The following GPC5 variants were observed in gnomAD, a reference collection of about 807,000 sequenced individuals.
The protein encoded by GPC5 is glypican-5.
In GPC5, 47 loss-of-function variants were observed where a neutral mutation model predicts 53.9. The observed-to-expected ratio is 0.87, with a 90% CI of 0.69 to 1.11. GPC5 has a LOEUF of 1.11. GPC5 is among the 50% of genes most tolerant of loss of function. The probability of loss-of-function intolerance (pLI) is 0.00; values close to 1 mark genes in which losing one functional copy is unlikely to be tolerated. For synonymous variants in GPC5, 286 were observed against 263.3 expected (o/e 1.09, Z -0.84); for missense variants, 748 against 713.1 (o/e 1.05, Z -0.56).
chr13:91,596,018 G>A (rs1305722132), intron 2 of GPC5, among the ~76,000 whole-genome samples: 1 of 152,038 alleles, frequency 6.6e-6, no homozygotes, highest in Non-Finnish European at 1.5e-5. Flanking sequence ...CTTGCTTCAG[G>A]TATTTTGAAT....
At chr13:92,369,889 A>G (rs1424757824) in intron 7 of GPC5, among the ~76,000 whole-genome samples, 2 of 152,212 alleles carry the variant, frequency 1.3e-5, no homozygotes, top group African/African-American at 4.8e-5. Context: ...TAACTCTACA[A>G]TTCTATTAAG....
In GPC5 at chr13:92,423,219, G is replaced by A. The variant is rs375027070; in HGVS notation, c.1561+278230G>A. Among the ~76,000 whole-genome samples the A allele has an allele frequency of 7.9e-5, 12 of 152,244 alleles. No individual in the cohort carries two copies. The East Asian group carries it at 1.4e-3, about 17-fold the overall frequency. On this transcript the variant is annotated intron_variant, in intron 7 of 7. Transcript: ENST00000377067. ...AGGCCCTACCTCCAAATGCCATCAC[G>A]CTGAAGATTAGGTTTCAACACATGA...
At chr13:92,160,394 G>T (rs1037705641) in intron 7 of GPC5, among the ~76,000 whole-genome samples, 1 of 152,136 alleles carries the variant, frequency 6.6e-6, no homozygotes, top group Non-Finnish European at 1.5e-5. Flanking sequence ...TAGTCTTCGG[G>T]TGCGGGGAGT....
intron 7 of GPC5, among the ~76,000 whole-genome samples, chr13:92,539,370 G>T (rs533555829): frequency 8.5e-5 from 13 of 152,066 alleles, no homozygotes; most frequent in Non-Finnish European, 1.8e-4. Flanking sequence ...ACTCTAACTG[G>T]TTGAGATGAT....
At position 91,713,113 on chromosome 13, in the gene GPC5, C is replaced by T. The variant is rs138725095; in HGVS notation, c.1021-15419C>T. ...GACTGAAGCACGAGGATTGCTTGAA[C>T]CCGGGAGGCGGAGGGTGCAGTGAGC... On this transcript the variant is annotated intron_variant, in intron 3 of 7. Coordinates refer to ENST00000377067, the MANE Select transcript of GPC5 (RefSeq NM_004466.6). 7.5e-3 allele frequency among the ~76,000 whole-genome samples: 1,138 copies of T among 152,230 alleles called. 11 individuals are homozygous for T. Among genetic ancestry groups the T allele is most frequent in the African/African-American group, 0.026 (1,089 of 41,534 alleles).
At chr13:92,140,656 A>G (rs943701554) in intron 6 of GPC5, among the ~76,000 whole-genome samples, 1 of 152,224 alleles carries the variant, frequency 6.6e-6, no homozygotes, top group African/African-American at 2.4e-5. Flanking sequence ...GACAGTAAAG[A>G]ATCACAGAGA....
chr13:92,832,990 AGTG>A (rs1878099386), intron 7 of GPC5, among the ~76,000 whole-genome samples: 1 of 152,216 alleles, frequency 6.6e-6, no homozygotes, highest in African/African-American at 2.4e-5. Flanking sequence ...TGGGTGACAG[AGTG>A]AGACTGCGTC....
intron 6 of GPC5, among the ~76,000 whole-genome samples, chr13:92,031,701 ATTATATATATTACATATATG>A (rs1447691978): frequency 2.4e-5 from 2 of 83,304 alleles, no homozygotes; most frequent in African/African-American, 9.6e-5. Context: ...TATATAATAT[ATTATATATATTACATATATG>A]TAATATATTA....
intron 5 of GPC5, among the ~76,000 whole-genome samples, chr13:91,857,832 A>T (rs980894929): frequency 6.6e-6 from 1 of 151,578 alleles, no homozygotes; most frequent in Non-Finnish European, 1.5e-5. Flanking sequence ...TATCAAGAAT[A>T]CTTACATAAT....
intron 7 of GPC5, among the ~76,000 whole-genome samples, chr13:92,189,682 AT>A (rs111746681): frequency 0.021 from 3,179 of 149,972 alleles, 86 homozygotes; most frequent in African/African-American, 0.069. Context: ...TGGGCCAGGC[AT>A]TTTTTTTTTA....
At chr13:92,677,116 C>CT (rs1886969046) in intron 7 of GPC5, among the ~76,000 whole-genome samples, 1 of 152,016 alleles carries the variant, frequency 6.6e-6, no homozygotes, top group African/African-American at 2.4e-5. Context: ...GTACGAAAAC[C>CT]TTTAACTTAT....
chr13:92,235,369 C>T (rs187493756), intron 7 of GPC5, among the ~76,000 whole-genome samples: 8 of 151,968 alleles, frequency 5.3e-5, no homozygotes, highest in Admixed American at 4.6e-4. Flanking sequence ...TTTTGTCACC[C>T]GTAATTTTCA....
chr13:92,068,230 T>C (rs1358421868), intron 6 of GPC5, among the ~76,000 whole-genome samples: 3 of 151,852 alleles, frequency 2.0e-5, no homozygotes, highest in Admixed American at 6.6e-5. Context: ...GTTTGGAAAA[T>C]ATATTCAAAA....
At chr13:91,399,865 G>A (rs138354709) in intron 1 of GPC5, among the ~76,000 whole-genome samples, 2 of 152,254 alleles carry the variant, frequency 1.3e-5, no homozygotes, top group East Asian at 3.9e-4. Context: ...GGCAACAGGC[G>A]ATCAAACCGA....
intron 2 of GPC5, among the ~76,000 whole-genome samples, chr13:91,653,026 G>A (rs971346963): frequency 6.6e-6 from 1 of 152,174 alleles, no homozygotes; most frequent in African/African-American, 2.4e-5. Context: ...AAGAATATCT[G>A]AAGCATGAAT....
chr13:92,149,453 C>A (rs982339308), intron 7 of GPC5, among the ~76,000 whole-genome samples: 17 of 151,914 alleles, frequency 1.1e-4, no homozygotes, highest in African/African-American at 4.1e-4. Context: ...ATTGCTAGAT[C>A]TAGAATTTTT....
chr13:91,600,758 C>T (rs1445995686), intron 2 of GPC5, among the ~76,000 whole-genome samples: 2 of 152,034 alleles, frequency 1.3e-5, no homozygotes, highest in Admixed American at 1.3e-4. Context: ...TCAGATTGCA[C>T]TTGGGCATAA....
At chr13:92,035,663 A>G (rs1353471096) in intron 6 of GPC5, among the ~76,000 whole-genome samples, 1 of 151,994 alleles carries the variant, frequency 6.6e-6, no homozygotes. Flanking sequence ...CAATTGCTGT[A>G]GAAAATAAGA....
chr13:91,831,901 A>T, intron 5 of GPC5, among the ~76,000 whole-genome samples: 1 of 151,906 alleles, frequency 6.6e-6, no homozygotes. Context: ...TCTTAGAATA[A>T]GGGGGATGAG....
Sources: gnomAD v4.1 joint callset for allele counts (sites outside exome capture counted in the v4.1 genomes callset) on GRCh38, gnomAD v4.1.1 for gene constraint, MANE v1.5 for transcripts, NCBI Gene and HGNC (gene_info 2026-07-23, HGNC 2026-07-21) for gene names.